Variants in ARID1B observed in about 807,000 individuals in gnomAD.
ARID1B encodes the protein AT-rich interactive domain-containing protein 1B.
A neutral mutation model predicts 212.3 loss-of-function variants in ARID1B; 30 were observed. The ratio of observed to expected loss-of-function variants is 0.14; its 90% CI spans 0.11 to 0.19. The LOEUF (loss-of-function observed/expected upper bound fraction) is 0.19, where lower values mean the gene tolerates loss of function less well. ARID1B is among the 10% of genes least tolerant of loss of function. The pLI is 1.00. For missense variants in ARID1B, 2,891 were observed against 3,204.0 expected, an observed-to-expected ratio of 0.90 and a Z score of 2.36; for synonymous variants, 1,402 against 1,301.7, an observed-to-expected ratio of 1.08 and a Z score of -1.66.
Position 157,200,253 on chromosome 6 carries a change from C to G in ARID1B, c.4480-452C>G, listed in dbSNP as rs548563783. Among the ~76,000 whole-genome samples the G allele has an allele frequency of 2.6e-5, 4 of 152,144 alleles. No homozygotes were observed. The East Asian group carries it at 7.7e-4, about 29-fold the overall frequency. On this transcript the variant is annotated intron_variant, in intron 17 of 19. Transcript: ENST00000636930. This position sits in a 1 kb window ranked among gnomAD's most constrained non-coding sequence, Gnocchi z 4.3. ...CCAGTCTGGGGAGCCGAGTCCTGTT[C>G]GGGGGCTTTTCTGTAAAATGAGGCC...
chr6:157,012,557 T>C (rs945166467), intron 4 of ARID1B, among the ~76,000 whole-genome samples: 1 of 152,230 alleles, frequency 6.6e-6, no homozygotes, highest in African/African-American at 2.4e-5. Context: ...AGTAGTTGAC[T>C]CTAGCCAACT....
At chr6:157,122,934 A>G (rs908705809) in intron 6 of ARID1B, among the ~76,000 whole-genome samples, 5 of 152,128 alleles carry the variant, frequency 3.3e-5, no homozygotes, top group Non-Finnish European at 2.9e-5. Context: ...CACCCGCCTC[A>G]GCCTCCCAAA....
At position 157,148,807 on chromosome 6, in the gene ARID1B, A is replaced by G; in HGVS notation, c.2945A>G (p.Asn982Ser). The change falls in exon 8 of 20, where the codon AAT becomes AGT. Residue 982 changes from asparagine (N) to serine (S), a missense_variant. Around this residue, in one of 7 missense-constraint regions of ARID1B, gnomAD observed 1,643 missense variants for 1,544.0 expected, o/e 1.06. Coordinates refer to ENST00000636930, the MANE Select transcript of ARID1B (RefSeq NM_001374828.1). This position sits in a 1 kb window ranked among gnomAD's most constrained non-coding sequence, Gnocchi z 5.6. ...ATGCAGAACAGACCATTTCCTGGAA[A>G]TATGAGCAGCATGACCCCCAGTTCT... ...AGMQNRPFPGNMSSMTPSSPG... is the reference protein window; with the variant it reads ...AGMQNRPFPGSMSSMTPSSPG... 4 of 1,613,066 alleles carry G rather than the reference A, an allele frequency of 2.5e-6. No homozygotes were observed. Among genetic ancestry groups the G allele is most frequent in the Non-Finnish European group, 3.4e-6 (4 of 1,179,864 alleles).
At chr6:156,776,697 A>C (rs986212235), upstream of ARID1B, 2 of 152,270 alleles carry the variant, frequency 1.3e-5, no homozygotes, top group African/African-American at 4.8e-5. Context: ...ATACACTGAC[A>C]AACCTACATA....
At chr6:156,949,798 A>G (rs751156227) in intron 4 of ARID1B, among the ~76,000 whole-genome samples, 1 of 152,250 alleles carries the variant, frequency 6.6e-6, no homozygotes, top group Non-Finnish European at 1.5e-5. Flanking sequence ...AGAAAACTAC[A>G]TTAATAAACC....
At chr6:157,159,492 G>A (rs1790788864) in intron 8 of ARID1B, among the ~76,000 whole-genome samples, 1 of 152,192 alleles carries the variant, frequency 6.6e-6, no homozygotes, top group South Asian at 2.1e-4. Flanking sequence ...AGGAAGAGCT[G>A]AATCTTGAAA....
intron 5 of ARID1B, among the ~76,000 whole-genome samples, chr6:157,109,136 G>T (rs1042599409): frequency 2.6e-5 from 4 of 152,140 alleles, no homozygotes; most frequent in African/African-American, 9.7e-5. Context: ...TTCTGGGACC[G>T]TGTCCTGCCT....
rs1428898876 is a variant in ARID1B, at chr6:157,148,872, C to T, written c.3010C>T (p.Pro1004Ser). The T allele has an allele frequency of 6.2e-7, 1 of 1,612,946 alleles. No individual in the cohort carries two copies. The highest frequency in any genetic ancestry group is 8.5e-7 in the Non-Finnish European group (1 of 1,179,992). Residue 1004 changes from proline (P) to serine (S), a missense_variant, in exon 8 of 20, where the codon CCA (proline) becomes TCA (serine). Coordinates refer to ENST00000636930, the MANE Select transcript of ARID1B (RefSeq NM_001374828.1). The surrounding 1 kb of genome is among the most constrained non-coding windows in gnomAD (Gnocchi z 5.6). ...GCAGGGAGGGCCAGGAATGGGGCCG[C>T]CAATGCCAACTGTGAACCGTAAGGC... ...SQQGGPGMGP[P>S]MPTVNRKAQE...
chr6:157,137,023 A>G (rs1468385162), intron 7 of ARID1B, among the ~76,000 whole-genome samples: 1 of 152,090 alleles, frequency 6.6e-6, no homozygotes, highest in Admixed American at 6.6e-5. Flanking sequence ...ACAAAAAGAT[A>G]TAAAAAAATT....
At chr6:156,950,213 G>A (rs148421303) in intron 4 of ARID1B, among the ~76,000 whole-genome samples, 1 of 152,280 alleles carries the variant, frequency 6.6e-6, no homozygotes, top group East Asian at 1.9e-4. Flanking sequence ...AAAAGCAAAG[G>A]CATAGGTACA....
intron 4 of ARID1B, among the ~76,000 whole-genome samples, chr6:157,066,461 T>C (rs1319611810): frequency 2.0e-5 from 3 of 152,216 alleles, no homozygotes; most frequent in Non-Finnish European, 4.4e-5. Context: ...CACAATTAGT[T>C]TTAAAGTATC....
intron 3 of ARID1B, among the ~76,000 whole-genome samples, chr6:156,933,100 T>A (rs796967978): frequency 8.5e-5 from 13 of 152,214 alleles, no homozygotes; most frequent in African/African-American, 3.1e-4. Flanking sequence ...GAAATGTTTA[T>A]CCACTATAGT....
At chr6:156,918,243 T>A (rs1213887701) in intron 3 of ARID1B, among the ~76,000 whole-genome samples, 1 of 152,204 alleles carries the variant, frequency 6.6e-6, no homozygotes, top group Non-Finnish European at 1.5e-5. Flanking sequence ...GGTAAACAGT[T>A]CCTTATATTG....
intron 2 of ARID1B, among the ~76,000 whole-genome samples, chr6:156,880,694 C>A (rs947596240): frequency 1.1e-4 from 14 of 125,086 alleles, no homozygotes; most frequent in African/African-American, 3.7e-4. Context: ...GAGCCAAGAT[C>A]GTGCAACTGC....
chr6:157,129,908 C>G (rs1788419242), intron 6 of ARID1B, among the ~76,000 whole-genome samples: 1 of 152,210 alleles, frequency 6.6e-6, no homozygotes, highest in Admixed American at 6.5e-5. Flanking sequence ...GTGGTTTACA[C>G]CTGTTATCCC....
At chr6:156,941,055 C>T (rs935810135) in intron 4 of ARID1B, 45 of 152,234 alleles carry the variant, frequency 3.0e-4, no homozygotes, top group African/African-American at 9.9e-4. Flanking sequence ...TTCTCAAATC[C>T]TTATGAACAT....
intron 4 of ARID1B, among the ~76,000 whole-genome samples, chr6:156,999,940 T>G (rs907297620): frequency 3.3e-5 from 5 of 152,198 alleles, no homozygotes; most frequent in African/African-American, 1.2e-4. Flanking sequence ...AAAAAGATAA[T>G]GTCAGAAAGA....
intron 2 of ARID1B, among the ~76,000 whole-genome samples, chr6:156,834,910 A>G (rs1382662307): frequency 1.3e-5 from 2 of 152,190 alleles, no homozygotes; most frequent in African/African-American, 2.4e-5. Flanking sequence ...TGTGATGCCA[A>G]AGCTCCCTGT....
rs1392038286 is a variant in ARID1B at position 157,196,273 on chromosome 6, G to T, written c.4340G>T (p.Gly1447Val). The change falls in exon 16 of 20, where the codon GGG becomes GTG. Residue 1447 changes from glycine (G) to valine (V), a missense_variant. Around this residue, in one of 7 missense-constraint regions of ARID1B, gnomAD observed 666 missense variants for 873.5 expected, o/e 0.76. Coordinates refer to ENST00000636930, the MANE Select transcript of ARID1B (RefSeq NM_001374828.1). ...GGAGCAATGTCTAACCTGGGCATGG[G>T]GCAGCGCCAGCAGTTTCCCTATGGA... ...PSGAMSNLGM[G>V]QRQQFPYGAS... is the part of the protein sequence containing the mutation. 2 of 1,608,956 alleles carry T rather than the reference G, an allele frequency of 1.2e-6. No homozygotes were observed. Among genetic ancestry groups the T allele is most frequent in the Non-Finnish European group, 8.5e-7 (1 of 1,178,820 alleles).
Sources: gnomAD v4.1 joint callset for allele counts (sites outside exome capture counted in the v4.1 genomes callset) on GRCh38, gnomAD v4.1.1 for gene constraint, gnomAD v4.1.1 regional missense constraint, Gnocchi (gnomAD v3.1) non-coding constraint, MANE v1.5 for transcripts, NCBI Gene and HGNC (gene_info 2026-07-23, HGNC 2026-07-21) for gene names.